TNS3: variants seen among roughly 807,000 people sequenced by gnomAD.
TNS3 encodes tensin 3.
Under a neutral mutation model 140.9 loss-of-function variants are expected in TNS3, and 45 were observed. That is an observed-to-expected ratio of 0.32 (90% CI 0.25 to 0.41). The LOEUF (loss-of-function observed/expected upper bound fraction) is 0.41. TNS3 is among the 10% of genes least tolerant of loss of function. TNS3 has a pLI of 1.00. For missense variants in TNS3, 1,716 were observed against 1,906.7 expected, an observed-to-expected ratio of 0.90 and a Z score of 1.86; for synonymous variants, 815 against 788.4, an observed-to-expected ratio of 1.03 and a Z score of -0.56.
intron 5 of TNS3, among the ~76,000 whole-genome samples, chr7:47,440,519 T>A (rs1259716319): frequency 6.6e-6 from 1 of 152,142 alleles, no homozygotes; most frequent in African/African-American, 2.4e-5. Context: ...GAAATGGTCA[T>A]GTCATGGCCA....
chr7:47,474,326 ACAC>A (rs1466745165), intron 4 of TNS3, among the ~76,000 whole-genome samples: 2 of 151,172 alleles, frequency 1.3e-5, no homozygotes, highest in African/African-American at 4.9e-5. Context: ...CACATAACCC[ACAC>A]AACACACACA....
rs1225661869 is a variant in TNS3, at chr7:47,429,376, T to A, written c.325-1000A>T. Among the ~76,000 whole-genome samples, 3 of 151,884 alleles carry A rather than the reference T, an allele frequency of 2.0e-5. No homozygotes were observed. The East Asian group carries it at 5.8e-4, about 29-fold the overall frequency. ...AGTGTAAAATACAATCTGGCTCTTT[T>A]TTTTTTGGAGACGGAGTCTCACGCT... On this transcript the variant is annotated intron_variant, in intron 8 of 30. Coordinates refer to ENST00000311160, the MANE Select transcript of TNS3 (RefSeq NM_022748.12).
chr7:47,389,053 A>AGCGGAAGCG (rs1792286497), intron 16 of TNS3, among the ~76,000 whole-genome samples: 1 of 32,914 alleles, frequency 3.0e-5, no homozygotes, highest in Non-Finnish European at 6.0e-5. Flanking sequence ...AAGAAGAAGA[A>AGCGGAAGCG]GAAGAAGAAG....
chr7:47,496,995 A>G (rs746759403), intron 3 of TNS3, among the ~76,000 whole-genome samples: 1 of 152,188 alleles, frequency 6.6e-6, no homozygotes, highest in Non-Finnish European at 1.5e-5. Flanking sequence ...TTCCAGTGTC[A>G]GAAAATATTA....
In TNS3 at chr7:47,411,717, G is replaced by A. The variant is rs772979301; in HGVS notation, c.723+10C>T. The A allele has an allele frequency of 1.4e-5, 23 of 1,607,692 alleles. No homozygotes were observed. Among genetic ancestry groups the A allele is most frequent in the Non-Finnish European group, 1.7e-5 (20 of 1,177,042 alleles). ...ACACCAACCCATCTGCGGCCACAGC[G>A]GGCACTCACCATGACATCTCCCTTC... is the stretch of plus-strand genomic sequence containing the variant. On this transcript the variant is annotated intron_variant, in intron 13 of 30. Transcript: ENST00000311160.
intron 5 of TNS3, among the ~76,000 whole-genome samples, chr7:47,439,875 C>T (rs977044408): frequency 1.3e-5 from 2 of 152,134 alleles, no homozygotes; most frequent in African/African-American, 4.8e-5. Context: ...ATTTTCCTAG[C>T]AGGGCATGAC....
At chr7:47,450,754 G>GCTTACCCA (rs1795977478) in intron 4 of TNS3, among the ~76,000 whole-genome samples, 1 of 152,218 alleles carries the variant, frequency 6.6e-6, no homozygotes, top group Non-Finnish European at 1.5e-5. Context: ...GGGCCAATAT[G>GCTTACCCA]GGTGCAGGGC....
intron 10 of TNS3, among the ~76,000 whole-genome samples, chr7:47,415,554 G>A (rs1378042624): frequency 6.6e-6 from 1 of 152,234 alleles, no homozygotes; most frequent in Non-Finnish European, 1.5e-5. Context: ...AGGAAGCAGA[G>A]GCCTGGCACA....
intron 10 of TNS3, among the ~76,000 whole-genome samples, chr7:47,423,630 A>G (rs987688404): frequency 2.0e-5 from 3 of 152,236 alleles, no homozygotes; most frequent in African/African-American, 7.2e-5. Flanking sequence ...TTTTATTGCA[A>G]TACAGCCACA....
rs1003300557 is a variant in TNS3 at position 47,277,823 on chromosome 7, C to T, written c.*253G>A. The T allele has an allele frequency of 5.3e-6, 3 of 565,746 alleles. No individual in the cohort carries two copies. The African/African-American group carries it at 5.6e-5, about 11-fold the overall frequency. The allele number at this position is 565,746 out of a possible 1,614,324, so 35.0% of individuals were successfully genotyped here. A position where few individuals can be genotyped will look rare whatever the true frequency, so the allele number is the denominator to read the frequency against. Reference sequence around the variant, plus strand: ...TGGGGACCCTAGGGGGTGGGGTGCACCCATGCCCAGCTTCTTCTACCCAAA... The same window carrying T: ...TGGGGACCCTAGGGGGTGGGGTGCATCCATGCCCAGCTTCTTCTACCCAAA... On this transcript the variant is annotated 3_prime_UTR_variant, in exon 31 of 31. Coordinates refer to ENST00000311160, the MANE Select transcript of TNS3 (RefSeq NM_022748.12).
chr7:47,321,556 T>A (rs1787738587), intron 20 of TNS3, among the ~76,000 whole-genome samples: 1 of 152,220 alleles, frequency 6.6e-6, no homozygotes. Flanking sequence ...GATGTTCCAA[T>A]TAATAAGATA....
intron 13 of TNS3, among the ~76,000 whole-genome samples, chr7:47,401,653 G>T (rs1029832659): frequency 6.6e-6 from 1 of 152,232 alleles, no homozygotes; most frequent in Admixed American, 6.5e-5. Flanking sequence ...GGCATGTGGG[G>T]AACGGTGGGC....
At position 47,571,228 on chromosome 7, in the gene TNS3, T is replaced by C. The variant is rs931734850; in HGVS notation, c.-265+10823A>G. ...ACTGGAAAGAACCTCGGGTACACAG[T>C]GTCGACAGCTACTCCTAACAGCTCA... On this transcript the variant is annotated intron_variant, in intron 1 of 30. Coordinates refer to ENST00000311160, the MANE Select transcript of TNS3 (RefSeq NM_022748.12). Among the ~76,000 whole-genome samples, 8 of 152,234 alleles carry C rather than the reference T, an allele frequency of 5.3e-5. No homozygotes were observed. In the East Asian group the frequency reaches 1.5e-3, roughly 29 times the overall value.
chr7:47,335,798 G>A (rs933193446), intron 20 of TNS3, among the ~76,000 whole-genome samples: 5 of 152,306 alleles, frequency 3.3e-5, no homozygotes, highest in Admixed American at 3.3e-4. Flanking sequence ...TGTGCAGTAG[G>A]AATGACTACT....
intron 4 of TNS3, among the ~76,000 whole-genome samples, chr7:47,470,232 A>C (rs1349106160): frequency 1.3e-5 from 2 of 152,164 alleles, no homozygotes; most frequent in Non-Finnish European, 1.5e-5. Context: ...TGGGAGAGGG[A>C]CGTGAATTGA....
At chr7:47,579,741 A>G (rs1784485013) in intron 1 of TNS3, 1 of 562,908 alleles carries the variant, frequency 1.8e-6, no homozygotes, top group African/African-American at 2.0e-5. Flanking sequence ...TTAAGAATTT[A>G]CTTGGTATTT....
chr7:47,463,301 G>A (rs985867018), intron 4 of TNS3, among the ~76,000 whole-genome samples: 1 of 152,088 alleles, frequency 6.6e-6, no homozygotes, highest in South Asian at 2.1e-4. Context: ...ACAAATTGTC[G>A]GGAGTGGTTG....
chr7:47,522,452 C>A (rs572608685), intron 2 of TNS3, among the ~76,000 whole-genome samples: 1 of 152,334 alleles, frequency 6.6e-6, no homozygotes, highest in African/African-American at 2.4e-5. Context: ...TCAGCCTACA[C>A]CATGACACCT....
At chr7:47,458,551 G>A (rs774283385) in intron 4 of TNS3, among the ~76,000 whole-genome samples, 4 of 152,230 alleles carry the variant, frequency 2.6e-5, no homozygotes, top group Non-Finnish European at 5.9e-5. Flanking sequence ...TATAAAACAA[G>A]ATGAAATAAA....
Sources: allele counts gnomAD v4.1 joint callset (sites outside exome capture counted in the v4.1 genomes callset), GRCh38; gene constraint gnomAD v4.1.1; transcripts MANE v1.5; gene names NCBI Gene and HGNC (gene_info 2026-07-23, HGNC 2026-07-21).